GRIA1: variants seen among roughly 807,000 people sequenced by gnomAD.
The protein encoded by GRIA1 is glutamate receptor 1.
Under a neutral mutation model 99.2 loss-of-function variants are expected in GRIA1, and 31 were observed. That is an observed-to-expected ratio of 0.31 (90% CI 0.23 to 0.42). GRIA1 has a LOEUF of 0.42. GRIA1 is among the 10% of genes least tolerant of loss of function. The probability of loss-of-function intolerance (pLI) is 1.00; values close to 1 mark genes in which losing one functional copy is unlikely to be tolerated. For missense variants in GRIA1, 782 were observed against 1,157.5 expected, an observed-to-expected ratio of 0.68 and a Z score of 4.71; for synonymous variants, 438 against 432.4, an observed-to-expected ratio of 1.01 and a Z score of -0.16.
chr5:153,554,725 C>T (rs1561637523), intron 2 of GRIA1, among the ~76,000 whole-genome samples: 1 of 152,192 alleles, frequency 6.6e-6, no homozygotes, highest in Non-Finnish European at 1.5e-5. Context: ...AACTGCTGAC[C>T]TCACATGATC....
At chr5:153,690,732 G>A (rs2149502794) in intron 8 of GRIA1, among the ~76,000 whole-genome samples, 1 of 152,284 alleles carries the variant, frequency 6.6e-6, no homozygotes, top group South Asian at 2.1e-4. Flanking sequence ...AAATGGTTGT[G>A]CTTTAGTTTT....
intron 2 of GRIA1, among the ~76,000 whole-genome samples, chr5:153,639,727 A>G (rs1465200956): frequency 6.6e-6 from 1 of 152,202 alleles, no homozygotes; most frequent in East Asian, 1.9e-4. Flanking sequence ...TTATCCAGTG[A>G]TGTATACCCC....
In GRIA1 at chr5:153,631,956, G is replaced by A. The variant is rs1255998644; in HGVS notation, c.221-14972G>A. Among the ~76,000 whole-genome samples, 5 of 152,174 alleles carry A rather than the reference G, an allele frequency of 3.3e-5. No individual in the cohort carries two copies. In the East Asian group the frequency reaches 9.7e-4, roughly 29 times the overall value. On this transcript the variant is annotated intron_variant, in intron 2 of 15. Coordinates refer to ENST00000285900, the MANE Select transcript of GRIA1 (RefSeq NM_000827.4). ...GTGGTATGTTGCAGAAGCAGCAGAT[G>A]AGGGAAAGGGAAATGATAAGGTTTT...
At chr5:153,549,026 CTT>C (rs1759873544) in intron 2 of GRIA1, among the ~76,000 whole-genome samples, 1 of 152,086 alleles carries the variant, frequency 6.6e-6, no homozygotes, top group African/African-American at 2.4e-5. Context: ...AAACAACAAA[CTT>C]GAGTAAATAC....
At chr5:153,559,771 A>G (rs1323179532) in intron 2 of GRIA1, among the ~76,000 whole-genome samples, 1 of 152,150 alleles carries the variant, frequency 6.6e-6, no homozygotes, top group Non-Finnish European at 1.5e-5. Context: ...TAAGCAGGTC[A>G]TTGTTAACCA....
chr5:153,618,681 A>G (rs1027691832), intron 2 of GRIA1, among the ~76,000 whole-genome samples: 2 of 152,152 alleles, frequency 1.3e-5, no homozygotes, highest in African/African-American at 4.8e-5. Flanking sequence ...ATATGCACAA[A>G]TGCTCATGAT....
intron 2 of GRIA1, among the ~76,000 whole-genome samples, chr5:153,520,639 T>G (rs1239090217): frequency 2.0e-5 from 3 of 152,140 alleles, no homozygotes; most frequent in Admixed American, 6.5e-5. Context: ...CTAGATCTAG[T>G]GCTAGAGGCT....
chr5:153,504,309 G>A (rs1255470510), intron 2 of GRIA1, among the ~76,000 whole-genome samples: 2 of 150,658 alleles, frequency 1.3e-5, no homozygotes, highest in African/African-American at 2.5e-5. Flanking sequence ...ATGCTTGAGA[G>A]GCAAAATAGA....
At chr5:153,757,630 T>C (rs1304639426) in intron 11 of GRIA1, among the ~76,000 whole-genome samples, 2 of 152,208 alleles carry the variant, frequency 1.3e-5, no homozygotes, top group Non-Finnish European at 2.9e-5. Context: ...CAGGAGGAAG[T>C]ACTCTTGGTG....
intron 2 of GRIA1, among the ~76,000 whole-genome samples, chr5:153,573,057 G>A (rs544860301): frequency 3.5e-4 from 54 of 152,294 alleles, no homozygotes; most frequent in African/African-American, 1.1e-3. Flanking sequence ...GCCACGTTGA[G>A]TGACAACCCA....
At chr5:153,720,240 A>T (rs1759958741) in intron 11 of GRIA1, among the ~76,000 whole-genome samples, 1 of 152,252 alleles carries the variant, frequency 6.6e-6, no homozygotes, top group South Asian at 2.1e-4. Context: ...TATTGAAAAT[A>T]GCTCAAGTGA....
intron 11 of GRIA1, among the ~76,000 whole-genome samples, chr5:153,717,741 T>G (rs1759768942): frequency 6.6e-6 from 1 of 152,184 alleles, no homozygotes; most frequent in African/African-American, 2.4e-5. Context: ...TGTTGATTGG[T>G]GTTAAGACTT....
At chr5:153,805,907 C>A (rs1451372495) in intron 15 of GRIA1, among the ~76,000 whole-genome samples, 1 of 152,184 alleles carries the variant, frequency 6.6e-6, no homozygotes, top group Non-Finnish European at 1.5e-5. Context: ...ATTGGTGTGA[C>A]TTCTACCCAA....
intron 2 of GRIA1, among the ~76,000 whole-genome samples, chr5:153,601,632 T>C (rs1764973615): frequency 6.6e-6 from 1 of 152,224 alleles, no homozygotes; most frequent in Admixed American, 6.5e-5. Flanking sequence ...AGCTCCTAAG[T>C]AAACTAGTTC....
chr5:153,500,781 A>G (rs1393572524), intron 2 of GRIA1, among the ~76,000 whole-genome samples: 2 of 151,696 alleles, frequency 1.3e-5, no homozygotes, highest in African/African-American at 4.8e-5. Context: ...ATATTTGTAT[A>G]CACACACACA....
intron 11 of GRIA1, among the ~76,000 whole-genome samples, chr5:153,708,965 G>C (rs193223742): frequency 4.6e-5 from 7 of 152,316 alleles, no homozygotes; most frequent in African/African-American, 1.7e-4. Flanking sequence ...GAGTTTAGGA[G>C]CCTGTAAAAT....
chr5:153,500,182 C>T (rs911759759), intron 2 of GRIA1, among the ~76,000 whole-genome samples: 1 of 152,178 alleles, frequency 6.6e-6, no homozygotes, highest in Non-Finnish European at 1.5e-5. Flanking sequence ...GAAGATCCTG[C>T]TGGGATGAGT....
At chr5:153,595,461 T>C (rs1171368312) in intron 2 of GRIA1, among the ~76,000 whole-genome samples, 2 of 152,150 alleles carry the variant, frequency 1.3e-5, no homozygotes, top group South Asian at 4.1e-4. Context: ...GAAGTCACTA[T>C]GTCCAGTCTA....
intron 11 of GRIA1, among the ~76,000 whole-genome samples, chr5:153,711,227 G>A (rs1002435005): frequency 6.6e-5 from 10 of 152,180 alleles, no homozygotes; most frequent in African/African-American, 2.4e-4. Flanking sequence ...TGATTTGCAT[G>A]CTAAAATACC....
Sources: allele counts gnomAD v4.1 joint callset (sites outside exome capture counted in the v4.1 genomes callset), GRCh38; gene constraint gnomAD v4.1.1; transcripts MANE v1.5; gene names NCBI Gene and HGNC (gene_info 2026-07-23, HGNC 2026-07-21).